The following GABRB3 variants were observed in gnomAD, a reference collection of about 807,000 sequenced individuals.
GABRB3 encodes the protein gamma-aminobutyric acid type A receptor subunit beta3.
GABRB3 carries 14 observed loss-of-function variants against 52.1 expected under a neutral mutation model. That is an observed-to-expected ratio of 0.27 (90% confidence interval 0.18 to 0.42). The LOEUF (loss-of-function observed/expected upper bound fraction) is 0.42, where lower values mean the gene tolerates loss of function less well. GABRB3 is among the 10% of genes least tolerant of loss of function. The pLI is 1.00. For missense variants in GABRB3, 307 were observed against 609.1 expected, an observed-to-expected ratio of 0.50 and a Z score of 5.22; for synonymous variants, 260 against 232.3, an observed-to-expected ratio of 1.12 and a Z score of -1.08.
At chr15:26,666,440 G>A (rs1025599471) in intron 3 of GABRB3, 1 of 152,214 alleles carries the variant, frequency 6.6e-6, no homozygotes, top group African/African-American at 2.4e-5. Context: ...GCGTGGTGAA[G>A]TAAGGGGAGG....
intron 3 of GABRB3, among the ~76,000 whole-genome samples, chr15:26,732,649 C>A (rs1889962694): frequency 6.6e-6 from 1 of 151,496 alleles, no homozygotes; most frequent in Non-Finnish European, 1.5e-5. Flanking sequence ...CTCACTGCAA[C>A]CTCCACCTCC....
At chr15:26,763,912 G>T (rs923054579) in intron 3 of GABRB3, among the ~76,000 whole-genome samples, 1 of 151,628 alleles carries the variant, frequency 6.6e-6, no homozygotes, top group African/African-American at 2.4e-5. Context: ...TTGGGAGGCC[G>T]AGGCGGGTGG....
intron 7 of GABRB3, among the ~76,000 whole-genome samples, chr15:26,563,918 A>G (rs1266639038): frequency 6.6e-6 from 1 of 152,210 alleles, no homozygotes; most frequent in Non-Finnish European, 1.5e-5. Context: ...AATATGAAAT[A>G]AAAATATAAT....
At chr15:26,748,308 A>G (rs1221506963) in intron 3 of GABRB3, among the ~76,000 whole-genome samples, 13 of 152,080 alleles carry the variant, frequency 8.5e-5, no homozygotes. Flanking sequence ...TCTTCTTTAA[A>G]TGTACCATAG....
At chr15:26,673,063 C>A (rs541949520) in intron 3 of GABRB3, among the ~76,000 whole-genome samples, 2 of 152,140 alleles carry the variant, frequency 1.3e-5, no homozygotes, top group Non-Finnish European at 2.9e-5. Flanking sequence ...ACAAATTGAC[C>A]TCCTATCGTG....
chr15:26,764,167 A>T (rs1890908984), intron 3 of GABRB3, among the ~76,000 whole-genome samples: 1 of 25,828 alleles, frequency 3.9e-5, no homozygotes, highest in Non-Finnish European at 7.6e-5. Flanking sequence ...AAAAAAAAAA[A>T]AAAAAAAAAA....
At chr15:26,593,699 T>C (rs1891289359) in intron 4 of GABRB3, among the ~76,000 whole-genome samples, 1 of 152,178 alleles carries the variant, frequency 6.6e-6, no homozygotes, top group Non-Finnish European at 1.5e-5. Flanking sequence ...ATACCATATT[T>C]TATTTATCCA....
intron 3 of GABRB3, among the ~76,000 whole-genome samples, chr15:26,709,651 G>A (rs1363913385): frequency 6.6e-6 from 1 of 150,838 alleles, no homozygotes; most frequent in African/African-American, 2.4e-5. Context: ...CCGAGTAGCT[G>A]GGACTCCAGG....
At chr15:26,594,963 C>G (rs538592743) in intron 4 of GABRB3, among the ~76,000 whole-genome samples, 176 of 152,296 alleles carry the variant, frequency 1.2e-3, no homozygotes, top group African/African-American at 4.1e-3. Flanking sequence ...TAGGGATTGG[C>G]CAAAAGCAAA....
At chr15:26,646,622 G>A (rs1040209449) in intron 3 of GABRB3, among the ~76,000 whole-genome samples, 3 of 152,102 alleles carry the variant, frequency 2.0e-5, no homozygotes, top group South Asian at 4.1e-4. Flanking sequence ...ATAAGAAACC[G>A]CCAAAATGTT....
At chr15:26,709,807 A>G (rs954696787) in intron 3 of GABRB3, among the ~76,000 whole-genome samples, 3 of 152,036 alleles carry the variant, frequency 2.0e-5, no homozygotes, top group East Asian at 1.9e-4. Context: ...GTGAGCCACC[A>G]CACCCAGTCA....
chr15:26,744,342 A>G (rs1313752251), intron 3 of GABRB3, among the ~76,000 whole-genome samples: 1 of 152,198 alleles, frequency 6.6e-6, no homozygotes, highest in African/African-American at 2.4e-5. Context: ...TAATTTTTAA[A>G]AATTTAAACT....
intron 3 of GABRB3, among the ~76,000 whole-genome samples, chr15:26,745,117 C>T (rs1443316842): frequency 2.0e-5 from 3 of 152,014 alleles, no homozygotes; most frequent in Non-Finnish European, 4.4e-5. Context: ...AACCAGATCT[C>T]GTGAGAACTC....
At chr15:26,596,567 T>G (rs1384906925) in intron 4 of GABRB3, among the ~76,000 whole-genome samples, 1 of 152,132 alleles carries the variant, frequency 6.6e-6, no homozygotes, top group African/African-American at 2.4e-5. Flanking sequence ...AATTATACAT[T>G]TATGGGTAAA....
At chr15:26,734,791 T>A (rs2140154252) in intron 3 of GABRB3, among the ~76,000 whole-genome samples, 1 of 151,668 alleles carries the variant, frequency 6.6e-6, no homozygotes, top group East Asian at 1.9e-4. Flanking sequence ...TATCTTGGAG[T>A]GGTGGTGTGT....
chr15:26,727,852 T>C (rs1257336287), intron 3 of GABRB3, among the ~76,000 whole-genome samples: 1 of 152,242 alleles, frequency 6.6e-6, no homozygotes, highest in African/African-American at 2.4e-5. Context: ...TTATCACTCT[T>C]TTCTTAGACA....
intron 8 of GABRB3, among the ~76,000 whole-genome samples, chr15:26,552,993 T>C (rs533420849): frequency 6.6e-6 from 1 of 152,216 alleles, no homozygotes; most frequent in Non-Finnish European, 1.5e-5. Flanking sequence ...AGGGATTTGA[T>C]AAATTGAGGT....
intron 3 of GABRB3, among the ~76,000 whole-genome samples, chr15:26,743,449 T>C (rs1890262052): frequency 6.6e-6 from 1 of 152,186 alleles, no homozygotes. Context: ...CTGTTGTTAT[T>C]TAACCATACA....
At chr15:26,674,400 C>CAAAAAAAAAAAAAAAAAAA (rs55723767) in intron 3 of GABRB3, among the ~76,000 whole-genome samples, 1 of 86,786 alleles carries the variant, frequency 1.2e-5, no homozygotes, top group African/African-American at 4.8e-5. Context: ...GACTCAGTTT[C>CAAAAAAAAAAAAAAAAAAA]AAAAAAAAAA....
Sources: allele counts gnomAD v4.1 joint callset (sites outside exome capture counted in the v4.1 genomes callset), GRCh38; gene constraint gnomAD v4.1.1; transcripts MANE v1.5; gene names NCBI Gene and HGNC (gene_info 2026-07-23, HGNC 2026-07-21).